CCS: variants seen among roughly 807,000 people sequenced by gnomAD.
CCS encodes the protein superoxide dismutase copper chaperone.
CCS carries 32 observed loss-of-function variants against 35.5 expected under a neutral mutation model. The ratio of observed to expected loss-of-function variants is 0.90; its 90% CI spans 0.68 to 1.21. The LOEUF (loss-of-function observed/expected upper bound fraction) is 1.21. Among genes scored for constraint, CCS ranks in the 50% most tolerant of loss-of-function variants. The probability of loss-of-function intolerance (pLI) is 0.00; values close to 1 mark genes in which losing one functional copy is unlikely to be tolerated. For missense variants in CCS, 342 were observed against 375.4 expected (o/e 0.91, Z 0.73); for synonymous variants, 130 against 147.2 (o/e 0.88, Z 0.84).
At chr11:66,594,337 CAA>C (rs1858437008) in intron 2 of CCS, among the ~76,000 whole-genome samples, 8 of 152,096 alleles carry the variant, frequency 5.3e-5, no homozygotes, top group Non-Finnish European at 8.8e-5. Context: ...CTAGCCTGGG[CAA>C]CAGAGTGAGA....
chr11:66,596,215 C>G (rs1858473911), intron 2 of CCS, among the ~76,000 whole-genome samples: 1 of 151,984 alleles, frequency 6.6e-6, no homozygotes, highest in African/African-American at 2.4e-5. Context: ...TACAGGTGTG[C>G]ACCACCATGC....
At chr11:66,597,375 T>G (rs1213729224) in intron 2 of CCS, among the ~76,000 whole-genome samples, 56 of 141,062 alleles carry the variant, frequency 4.0e-4, no homozygotes, top group Middle Eastern at 5.0e-3. Flanking sequence ...GGAGAATGGC[T>G]AGAACCCAGG....
rs61731812 is a variant in CCS at position 66,599,211 on chromosome 11, G to A, written c.208G>A (p.Gly70Arg). ...GGTGCAGGCTCTCCTGGAAGGCACG[G>A]GGCGGCAGGCGGTACTCAAGGGCAT... is the stretch of plus-strand genomic sequence containing the variant. ...QEVQALLEGT[G>R]RQAVLKGMGS... The change falls in exon 3 of 8, where the codon GGG becomes AGG. Residue 70 changes from glycine to arginine, a missense_variant. Coordinates refer to ENST00000533244, the MANE Select transcript of CCS (RefSeq NM_005125.2). 6.5e-4 allele frequency: 1,053 copies of A among 1,613,230 alleles called. 4 individuals carry two copies. The African/African-American group carries it at 0.012, about 18-fold the overall frequency.
At chr11:66,599,689 T>C in intron 4 of CCS, 53 bp downstream of exon 4, 2 of 1,534,320 alleles carry the variant, frequency 1.3e-6, no homozygotes, top group Non-Finnish European at 8.9e-7. Context: ...ATTTTCACAC[T>C]GGGCCCTCAC....
intron 2 of CCS, among the ~76,000 whole-genome samples, chr11:66,596,787 A>T (rs900472495): frequency 5.3e-5 from 8 of 152,200 alleles, no homozygotes; most frequent in Non-Finnish European, 8.8e-5. Flanking sequence ...AATGTGAATT[A>T]CAGGAGGGGG....
intron 2 of CCS, among the ~76,000 whole-genome samples, chr11:66,594,093 T>C (rs1858431616): frequency 6.6e-6 from 1 of 152,196 alleles, no homozygotes; most frequent in Non-Finnish European, 1.5e-5. Context: ...GTGTGGTGGC[T>C]CATGCCTGTA....
At position 66,597,445 on chromosome 11, in the gene CCS, G is replaced by A. The variant is rs188536995; in HGVS notation, c.113-1671G>A. On this transcript the variant is annotated intron_variant, in intron 2 of 7. Coordinates refer to ENST00000533244, the MANE Select transcript of CCS (RefSeq NM_005125.2). ...TGCACTCCAGCCTGGGTGACAGAGC[G>A]AGACTCCATTTCAAAAAGAAAAAAA... 5.0e-3 allele frequency among the ~76,000 whole-genome samples: 744 copies of A among 150,024 alleles called. 3 individuals are homozygous for A. The highest frequency in any genetic ancestry group is 0.017 in the African/African-American group (704 of 40,646).
At chr11:66,596,036 T>C (rs1186617799) in intron 2 of CCS, among the ~76,000 whole-genome samples, 1 of 152,154 alleles carries the variant, frequency 6.6e-6, no homozygotes, top group Admixed American at 6.5e-5. Flanking sequence ...CTTTGATGGG[T>C]TCCCCATTGC....
Position 66,599,571 on chromosome 11 carries a change from C to T in CCS, c.363C>T (p.Gly121=), listed in dbSNP as rs755818904. 6.2e-7 allele frequency: 1 copy of T among 1,605,896 alleles called. No homozygotes were observed. Among genetic ancestry groups the T allele is most frequent in the South Asian group, 1.1e-5 (1 of 90,142 alleles). ...ERCLIEGTID[G]LEPGLHGLHV... is the part of the protein sequence containing the mutation. Reference sequence around the variant, plus strand: ...GCCTCATCGAGGGAACTATTGACGGCCTGGAGCCTGGGCTGCATGGACTCC... The same window carrying T: ...GCCTCATCGAGGGAACTATTGACGGTCTGGAGCCTGGGCTGCATGGACTCC... Residue 121 remains glycine (G), a synonymous_variant, in exon 4 of 8, where the codon GGC becomes GGT. Transcript: ENST00000533244.
intron 4 of CCS, chr11:66,599,897 C>A: frequency 2.7e-6 from 1 of 376,400 alleles, no homozygotes; most frequent in Non-Finnish European, 4.8e-6. Flanking sequence ...GGGCGGATCA[C>A]CTGAGGTCAG....
At chr11:66,598,162 C>G (rs1033812916) in intron 2 of CCS, among the ~76,000 whole-genome samples, 1 of 151,672 alleles carries the variant, frequency 6.6e-6, no homozygotes, top group Admixed American at 6.6e-5. Flanking sequence ...AGTTGTACAA[C>G]CATCTCTCCA....
At chr11:66,599,784 G>A in intron 4 of CCS, 148 bp downstream of exon 4, 2 of 746,450 alleles carry the variant, frequency 2.7e-6, no homozygotes, top group Non-Finnish European at 4.3e-6. Context: ...CTTGCCAAAG[G>A]TCCACAGCAG....
rs1858409490 is a variant in CCS, at chr11:66,593,187, T to A, written c.-75T>A. On this transcript the variant is annotated 5_prime_UTR_variant, in exon 1 of 8. Transcript: ENST00000533244. ...GTTAAGGGTGGCTTTAGAGGCTCAG[T>A]CCCCGCGACGCCGCGCTGGTTGGTG... 9 of 1,511,772 alleles carry A rather than the reference T, an allele frequency of 6.0e-6. No individual in the cohort carries two copies. In the East Asian group the frequency reaches 2.2e-4, roughly 37 times the overall value. 93.6% of individuals were successfully genotyped at this position (1,511,772 alleles called of 1,614,324 possible). A position where few individuals can be genotyped will look rare whatever the true frequency, so the allele number is the denominator to read the frequency against.
At chr11:66,594,774 C>CAAAA (rs992030660) in intron 2 of CCS, among the ~76,000 whole-genome samples, 3 of 65,020 alleles carry the variant, frequency 4.6e-5, no homozygotes, top group South Asian at 5.2e-4. Flanking sequence ...GACCCTCTCT[C>CAAAA]AAAAAAAAAA....
At chr11:66,600,573 C>G in intron 5 of CCS, 24 bp downstream of exon 5, 1 of 1,435,336 alleles carries the variant, frequency 7.0e-7, no homozygotes. Context: ...TGGGTTTGGG[C>G]TTGGGCTGAG....
rs748612840 is a variant in CCS at position 66,599,511 on chromosome 11, G to T, written c.303G>T (p.Gly101=). Residue 101 remains glycine, a synonymous_variant, in exon 4 of 8, where the codon GGG becomes GGT. Transcript: ENST00000533244. ...TGGGGGGGCCTGGCACCGTGCAGGGGGTGGTGCGCTTCCTACAGCTGACCC... is the reference window on the plus strand; with the variant it reads ...TGGGGGGGCCTGGCACCGTGCAGGGTGTGGTGCGCTTCCTACAGCTGACCC... ...AILGGPGTVQ[G]VVRFLQLTPE... is the part of the protein sequence containing the mutation. 4 of 1,582,700 alleles carry T rather than the reference G, an allele frequency of 2.5e-6. No individual in the cohort carries two copies. Among genetic ancestry groups the T allele is most frequent in the Non-Finnish European group, 8.6e-7 (1 of 1,166,186 alleles).
At position 66,605,088 on chromosome 11, in the gene CCS, G is replaced by A. The variant is rs565276885; in HGVS notation, c.490-251G>A. 8.1e-5 allele frequency: 119 copies of A among 1,463,516 alleles called. 2 individuals carry two copies. In the South Asian group the frequency reaches 1.5e-3, roughly 18 times the overall value. The allele number at this position is 1,463,516 out of a possible 1,614,324, so 90.7% of individuals were successfully genotyped here. On this transcript the variant is annotated intron_variant, in intron 5 of 7. Transcript: ENST00000533244. ...TTCAGCCCACTGTCATCCTGCCCAG[G>A]ATTTCAGTTCCAGGGAGGGAGTGTT...
At chr11:66,603,065 A>G (rs564692356) in intron 5 of CCS, among the ~76,000 whole-genome samples, 1 of 152,346 alleles carries the variant, frequency 6.6e-6, no homozygotes, top group Non-Finnish European at 1.5e-5. Context: ...AGCCTGGAGT[A>G]ACCAGGCCAT....
intron 2 of CCS, among the ~76,000 whole-genome samples, chr11:66,598,161 A>G (rs1858510499): frequency 6.6e-6 from 1 of 151,988 alleles, no homozygotes; most frequent in Admixed American, 6.6e-5. Flanking sequence ...GAGTTGTACA[A>G]CCATCTCTCC....
Sources: gnomAD v4.1 joint callset for allele counts (sites outside exome capture counted in the v4.1 genomes callset) on GRCh38, gnomAD v4.1.1 for gene constraint, MANE v1.5 for transcripts, NCBI Gene and HGNC (gene_info 2026-07-23, HGNC 2026-07-21) for gene names.